TMEM243: variants seen among roughly 807,000 people sequenced by gnomAD.
TMEM243 encodes the protein transmembrane protein 243, also known as MDR1 and mitochondrial taxol resistance associated.
Under a neutral mutation model 15.0 loss-of-function variants are expected in TMEM243, and 20 were observed. The ratio of observed to expected loss-of-function variants is 1.33; its 90% CI spans 0.94 to 1.93. The LOEUF (loss-of-function observed/expected upper bound fraction) is 1.93, where lower values mean the gene tolerates loss of function less well. TMEM243 is among the 30% of genes most tolerant of loss of function. The pLI, the probability that TMEM243 is intolerant of heterozygous loss-of-function variation, is 0.00. For missense variants in TMEM243, 156 were observed against 142.1 expected, an observed-to-expected ratio of 1.10 and a Z score of -0.50; for synonymous variants, 72 against 52.7, an observed-to-expected ratio of 1.37 and a Z score of -1.59.
chr7:87,207,097 A>C (rs1056928517), intron 1 of TMEM243, among the ~76,000 whole-genome samples: 6 of 152,230 alleles, frequency 3.9e-5, no homozygotes, highest in South Asian at 2.1e-4. Context: ...GTTGTTCCCA[A>C]AGAAATATCA....
chr7:87,210,811 A>T (rs1802692103), intron 1 of TMEM243, among the ~76,000 whole-genome samples: 1 of 152,232 alleles, frequency 6.6e-6, no homozygotes. Flanking sequence ...TCCCCCTTGC[A>T]GCAGACTTCT....
rs145053749 is a variant in TMEM243, at chr7:87,214,827, T to A, written c.78+4599A>T. ...GAATATTTACATATACATAGTGAGA[T>A]CTTGGGGTGGGACACAAGTCTAAGC... On this transcript the variant is annotated intron_variant, in intron 1 of 3. Coordinates refer to ENST00000257637, the MANE Select transcript of TMEM243 (RefSeq NM_024315.4). Among the ~76,000 whole-genome samples, 768 of 152,312 alleles carry A rather than the reference T, an allele frequency of 5.0e-3. 4 individuals carry two copies. The highest frequency in any genetic ancestry group is 0.01 in the Middle Eastern group (3 of 294).
At chr7:87,198,209 C>T (rs568755756) in intron 2 of TMEM243, 164 bp from the exon 3 acceptor site, 11 of 540,038 alleles carry the variant, frequency 2.0e-5, no homozygotes, top group East Asian at 6.1e-5. Flanking sequence ...TAAATATGTT[C>T]GAGTTATTTT....
At chr7:87,214,037 G>GACC (rs1172978766) in intron 1 of TMEM243, among the ~76,000 whole-genome samples, 2 of 152,214 alleles carry the variant, frequency 1.3e-5, no homozygotes, top group Non-Finnish European at 2.9e-5. Context: ...TGTGATCAGT[G>GACC]ACCACCCACA....
intron 1 of TMEM243, among the ~76,000 whole-genome samples, chr7:87,209,824 GAGAC>G (rs1370640200): frequency 6.9e-6 from 1 of 145,240 alleles, no homozygotes; most frequent in African/African-American, 2.7e-5. Flanking sequence ...GAGAGAGCGA[GAGAC>G]AGTGAGAGAG....
chr7:87,198,951 T>TA, intron 2 of TMEM243, 56 bp downstream of exon 2: 1 of 1,456,100 alleles, frequency 6.9e-7, no homozygotes, highest in Admixed American at 2.5e-5. Flanking sequence ...CCATAATTGA[T>TA]AAAGTTTTCA....
chr7:87,214,987 T>C (rs1006373246), intron 1 of TMEM243, among the ~76,000 whole-genome samples: 1 of 151,680 alleles, frequency 6.6e-6, no homozygotes, highest in Non-Finnish European at 1.5e-5. Flanking sequence ...ATCAAGTCAG[T>C]GCTCAGGAAG....
intron 2 of TMEM243, chr7:87,198,670 G>C: frequency 2.9e-6 from 1 of 340,210 alleles, no homozygotes; most frequent in Non-Finnish European, 5.4e-6. Flanking sequence ...CTTGACCAAA[G>C]GGTAATGGAT....
At chr7:87,212,248 C>G (rs1381123430) in intron 1 of TMEM243, among the ~76,000 whole-genome samples, 4 of 152,146 alleles carry the variant, frequency 2.6e-5, no homozygotes, top group African/African-American at 7.2e-5. Flanking sequence ...AATGAGAGAT[C>G]AGGCTCCTCA....
intron 1 of TMEM243, 111 bp downstream of exon 1, chr7:87,219,315 C>T: frequency 8.3e-6 from 8 of 961,700 alleles, no homozygotes; most frequent in African/African-American, 1.6e-5. Flanking sequence ...GAACCAGCTT[C>T]CTCCCTAAAA....
intron 2 of TMEM243, 71 bp from the exon 3 acceptor site, chr7:87,198,116 G>T (rs1801495991): frequency 1.5e-6 from 2 of 1,301,516 alleles, no homozygotes; most frequent in African/African-American, 3.0e-5. Context: ...CTGGAGTCTA[G>T]GCAACAGTAC....
chr7:87,215,102 G>A (rs1253760176), intron 1 of TMEM243, among the ~76,000 whole-genome samples: 1 of 152,166 alleles, frequency 6.6e-6, no homozygotes, highest in Non-Finnish European at 1.5e-5. Context: ...ATTCAGATGG[G>A]CTGTTAATGT....
intron 2 of TMEM243, chr7:87,198,746 C>G (rs1801567001): frequency 2.1e-6 from 1 of 487,324 alleles, no homozygotes; most frequent in African/African-American, 2.1e-5. Flanking sequence ...TGGCTACTAG[C>G]CACTGACATT....
chr7:87,210,829 C>G (rs1025680038), intron 1 of TMEM243, among the ~76,000 whole-genome samples: 1 of 152,250 alleles, frequency 6.6e-6, no homozygotes, highest in Non-Finnish European at 1.5e-5. Flanking sequence ...TCTGGACATC[C>G]AAGCATTTCC....
chr7:87,212,549 T>G (rs1303874956), intron 1 of TMEM243, among the ~76,000 whole-genome samples: 1 of 152,076 alleles, frequency 6.6e-6, no homozygotes, highest in Non-Finnish European at 1.5e-5. Context: ...TCAGTTTAAG[T>G]TTTTTTTAAT....
chr7:87,207,115 A>G (rs372534267), intron 1 of TMEM243, among the ~76,000 whole-genome samples: 1 of 152,238 alleles, frequency 6.6e-6, no homozygotes, highest in East Asian at 1.9e-4. Flanking sequence ...TCAATGGTAA[A>G]CAATGGGGAT....
intron 1 of TMEM243, among the ~76,000 whole-genome samples, chr7:87,216,317 G>T (rs912155828): frequency 1.3e-5 from 2 of 151,612 alleles, no homozygotes; most frequent in Non-Finnish European, 2.9e-5. Context: ...TTGGTAGAAG[G>T]CGCCTATAGT....
chr7:87,209,555 A>AGG (rs1802490580), intron 1 of TMEM243, among the ~76,000 whole-genome samples: 3 of 148,722 alleles, frequency 2.0e-5, no homozygotes, highest in Non-Finnish European at 4.5e-5. Flanking sequence ...AGACAATGAG[A>AGG]GAGACAATGA....
chr7:87,197,125 A>G (rs1801348061), intron 3 of TMEM243, among the ~76,000 whole-genome samples: 1 of 152,134 alleles, frequency 6.6e-6, no homozygotes. Context: ...TAGGGCTTCC[A>G]TAATATATTT....
Sources: gnomAD v4.1 joint callset for allele counts (sites outside exome capture counted in the v4.1 genomes callset) on GRCh38, gnomAD v4.1.1 for gene constraint, MANE v1.5 for transcripts, NCBI Gene and HGNC (gene_info 2026-07-23, HGNC 2026-07-21) for gene names.